The following PCDHA12 variants were observed in gnomAD, a reference collection of about 807,000 sequenced individuals.
PCDHA12 encodes the protein protocadherin alpha 12.
In PCDHA12, 44 loss-of-function variants were observed where a neutral mutation model predicts 60.0. The ratio of observed to expected loss-of-function variants is 0.73; its 90% CI spans 0.58 to 0.94. The LOEUF (loss-of-function observed/expected upper bound fraction) is 0.94. PCDHA12 is among the 40% of genes least tolerant of loss of function. PCDHA12 has a pLI of 0.00. For synonymous variants in PCDHA12, 569 were observed against 553.0 expected, an observed-to-expected ratio of 1.03 and a Z score of -0.40; for missense variants, 1,276 against 1,239.7, an observed-to-expected ratio of 1.03 and a Z score of -0.44.
At chr5:140,991,180 C>T (rs2097436577) in intron 3 of PCDHA12, among the ~76,000 whole-genome samples, 1 of 152,160 alleles carries the variant, frequency 6.6e-6, no homozygotes. Context: ...AAGCAGGATG[C>T]CTAGCACACA....
At position 140,929,511 on chromosome 5, in the gene PCDHA12, G is replaced by A. The variant is rs113234119; in HGVS notation, c.2368-49438G>A. On this transcript the variant is annotated intron_variant, in intron 1 of 3. Coordinates refer to ENST00000398631, the MANE Select transcript of PCDHA12 (RefSeq NM_018903.4). ...TTAGAAGATTGCCCTAGGCCTCAAG[G>A]GACTTATAGTTTATTTTTGAGAAAC... 1,947 of 781,082 alleles carry A rather than the reference G, an allele frequency of 2.5e-3. 24 individuals carry two copies. The African/African-American group carries it at 0.032, about 13-fold the overall frequency. 48.4% of individuals were successfully genotyped at this position (781,082 alleles called of 1,614,324 possible).
At chr5:140,957,225 G>C (rs1585702621) in intron 1 of PCDHA12, among the ~76,000 whole-genome samples, 1 of 152,072 alleles carries the variant, frequency 6.6e-6, no homozygotes, top group Admixed American at 6.6e-5. Flanking sequence ...ATTTGGCGAA[G>C]CATTTTGGCA....
At chr5:140,913,166 G>C (rs1357125827) in intron 1 of PCDHA12, among the ~76,000 whole-genome samples, 2 of 152,160 alleles carry the variant, frequency 1.3e-5, no homozygotes, top group African/African-American at 4.8e-5. Flanking sequence ...ATTGGTATTA[G>C]TTCTTCTTTA....
intron 1 of PCDHA12, among the ~76,000 whole-genome samples, chr5:140,938,635 G>A (rs1361017966): frequency 6.6e-6 from 1 of 151,982 alleles, no homozygotes; most frequent in Non-Finnish European, 1.5e-5. Context: ...TGCTTATGAT[G>A]TATAATCCTT....
intron 1 of PCDHA12, chr5:140,967,690 C>G (rs782694266): frequency 6.2e-7 from 1 of 1,614,190 alleles, no homozygotes; most frequent in Non-Finnish European, 8.5e-7. Flanking sequence ...GGCAGCTCTT[C>G]AGCATAGATG....
chr5:140,894,098 T>C (rs1025974161), intron 1 of PCDHA12, among the ~76,000 whole-genome samples: 2 of 152,178 alleles, frequency 1.3e-5, no homozygotes, highest in Non-Finnish European at 2.9e-5. Flanking sequence ...TTCTAGCTCC[T>C]GGTGTTGCAG....
intron 1 of PCDHA12, among the ~76,000 whole-genome samples, chr5:140,942,516 G>C (rs1172442572): frequency 2.0e-5 from 3 of 152,004 alleles, no homozygotes; most frequent in African/African-American, 7.3e-5. Flanking sequence ...AAACTCAGAG[G>C]GGAAGCAACT....
At position 140,968,170 on chromosome 5, in the gene PCDHA12, C is replaced by T. The variant is rs1554230457; in HGVS notation, c.2368-10779C>T. 3 of 1,614,132 alleles carry T rather than the reference C, an allele frequency of 1.9e-6. No homozygotes were observed. In the South Asian group the frequency reaches 3.3e-5, roughly 18 times the overall value. On this transcript the variant is annotated intron_variant, in intron 1 of 3. Transcript: ENST00000398631. ...CTGACATCAATGACAATCCACCAAG[C>T]TTCCTGGAGGACTCCTATTCCATCT...
At chr5:140,999,836 A>G (rs1554257003) in intron 3 of PCDHA12, among the ~76,000 whole-genome samples, 1 of 152,210 alleles carries the variant, frequency 6.6e-6, no homozygotes, top group African/African-American at 2.4e-5. Flanking sequence ...AAAATATGCC[A>G]AGTGTATTTA....
At chr5:140,948,253 A>C (rs782144804) in intron 1 of PCDHA12, among the ~76,000 whole-genome samples, 14 of 151,624 alleles carry the variant, frequency 9.2e-5, no homozygotes, top group Admixed American at 2.6e-4. Flanking sequence ...ATATTTTTAC[A>C]TCTGTGTTCA....
intron 1 of PCDHA12, among the ~76,000 whole-genome samples, chr5:140,957,527 T>C (rs1441282290): frequency 6.6e-6 from 1 of 152,138 alleles, no homozygotes; most frequent in African/African-American, 2.4e-5. Context: ...AGACATTCAG[T>C]GGGGATCTTA....
intron 3 of PCDHA12, among the ~76,000 whole-genome samples, chr5:141,006,017 G>A (rs139294218): frequency 1.3e-5 from 2 of 151,190 alleles, no homozygotes; most frequent in African/African-American, 4.8e-5. Context: ...TATGGTTGGA[G>A]TATAATAGTA....
At chr5:140,882,210 C>G in intron 1 of PCDHA12, 3 of 1,533,604 alleles carry the variant, frequency 2.0e-6, no homozygotes, top group Admixed American at 2.1e-5. Flanking sequence ...CCTTGAGAGA[C>G]AGTTTGAGGT....
chr5:140,879,064 G>C (rs1389510074), intron 1 of PCDHA12, among the ~76,000 whole-genome samples: 1 of 152,214 alleles, frequency 6.6e-6, no homozygotes, highest in South Asian at 2.1e-4. Flanking sequence ...TACCAAGAAA[G>C]TGTTAAGAGA....
At chr5:140,974,335 G>T (rs1481372488) in intron 1 of PCDHA12, among the ~76,000 whole-genome samples, 2 of 152,158 alleles carry the variant, frequency 1.3e-5, no homozygotes, top group African/African-American at 4.8e-5. Context: ...GTGCTAGCAG[G>T]CTATGCATCC....
intron 1 of PCDHA12, among the ~76,000 whole-genome samples, chr5:140,964,075 AT>A (rs1277799626): frequency 9.2e-5 from 14 of 152,324 alleles, no homozygotes; most frequent in African/African-American, 3.1e-4. Flanking sequence ...TAGTGTTAAT[AT>A]TTGTAGAAAG....
Position 140,938,565 on chromosome 5 carries a change from A to G in PCDHA12, c.2368-40384A>G, listed in dbSNP as rs1347602327. Among the ~76,000 whole-genome samples the G allele has an allele frequency of 2.0e-5, 3 of 151,630 alleles. No individual in the cohort carries two copies. The East Asian group carries it at 5.8e-4, about 29-fold the overall frequency. On this transcript the variant is annotated intron_variant, in intron 1 of 3. Coordinates refer to ENST00000398631, the MANE Select transcript of PCDHA12 (RefSeq NM_018903.4). ...TTTTATCCTTTTATTAATAGCATGC[A>G]TTATATTGGTTGATTTGTTAATGAT...
At chr5:141,009,602 T>G in intron 3 of PCDHA12, 25 bp from the exon 4 acceptor site, 1 of 1,608,136 alleles carries the variant, frequency 6.2e-7, no homozygotes, top group Non-Finnish European at 8.5e-7. Flanking sequence ...ACCCTGTTAA[T>G]GATTTGTAAT....
chr5:140,995,788 T>C (rs1327222255), intron 3 of PCDHA12, among the ~76,000 whole-genome samples: 1 of 152,154 alleles, frequency 6.6e-6, no homozygotes, highest in Non-Finnish European at 1.5e-5. Context: ...GGTTTAAAAT[T>C]TGTCTCATGT....
Sources: gnomAD v4.1 joint callset for allele counts (sites outside exome capture counted in the v4.1 genomes callset) on GRCh38, gnomAD v4.1.1 for gene constraint, MANE v1.5 for transcripts, NCBI Gene and HGNC (gene_info 2026-07-23, HGNC 2026-07-21) for gene names.